The following TNFRSF21 variants were observed in gnomAD, a reference collection of about 807,000 sequenced individuals.
The protein encoded by TNFRSF21 is tumor necrosis factor receptor superfamily member 21.
Under a neutral mutation model 45.6 loss-of-function variants are expected in TNFRSF21, and 19 were observed. The ratio of observed to expected loss-of-function variants is 0.42; its 90% CI spans 0.29 to 0.61. TNFRSF21 has a LOEUF of 0.61. Ranked by LOEUF, TNFRSF21 falls within the 20% of genes least tolerant of loss-of-function variation. The probability of loss-of-function intolerance (pLI) is 0.23; values close to 1 mark genes in which losing one functional copy is unlikely to be tolerated. For missense variants in TNFRSF21, 737 were observed against 851.5 expected (o/e 0.87, Z 1.67); for synonymous variants, 314 against 335.5 (o/e 0.94, Z 0.70).
chr6:47,292,278 T>G lies in TNFRSF21; in HGVS notation c.97-5683A>C, dbSNP rs375120408. Among the ~76,000 whole-genome samples, 18 of 152,180 alleles carry G rather than the reference T, an allele frequency of 1.2e-4. 1 individual carries two copies. The South Asian group carries it at 2.9e-3, about 25-fold the overall frequency. On this transcript the variant is annotated intron_variant, in intron 1 of 5. Coordinates refer to ENST00000296861, the MANE Select transcript of TNFRSF21 (RefSeq NM_014452.5). ...GACGCCGAGTCCTACCTGGTCAAGA[T>G]CCTTAATTCCTTCACTTGTACAGAG...
At chr6:47,270,575 C>T (rs1204512754) in intron 3 of TNFRSF21, among the ~76,000 whole-genome samples, 1 of 152,150 alleles carries the variant, frequency 6.6e-6, no homozygotes, top group Non-Finnish European at 1.5e-5. Flanking sequence ...AGCAGAAAAG[C>T]TGAAAATTCT....
At position 47,309,833 on chromosome 6, in the gene TNFRSF21, G is replaced by C. The variant is rs6458555; in HGVS notation, c.-322C>G. 2 of 264,174 alleles carry C rather than the reference G, an allele frequency of 7.6e-6. No individual in the cohort carries two copies. The highest frequency in any genetic ancestry group is 1.4e-5 in the Non-Finnish European group (2 of 140,438). The allele number at this position is 264,174 out of a possible 1,614,324, so 16.4% of individuals were successfully genotyped here. ...ACTGGGCGCGAGAGAGCAAAGGAAC[G>C]ACTTCCCATAGCGAAGCTTCCAGCC... On this transcript the variant is annotated 5_prime_UTR_variant, in exon 1 of 6. Transcript: ENST00000296861.
At chr6:47,234,930 A>AT (rs199973375) in intron 4 of TNFRSF21, 32 bp from the exon 5 acceptor site, 54,723 of 1,227,908 alleles carry the variant, frequency 0.045, 1,440 homozygotes, top group Non-Finnish European at 0.051. Context: ...TTTATTATAT[A>AT]TAGAAAAAAA....
intron 1 of TNFRSF21, among the ~76,000 whole-genome samples, chr6:47,295,623 G>C (rs1431814991): frequency 6.6e-6 from 1 of 152,122 alleles, no homozygotes; most frequent in Non-Finnish European, 1.5e-5. Flanking sequence ...ATTTTATTTT[G>C]AGCATCACAT....
At chr6:47,278,700 G>A (rs1762529736) in intron 3 of TNFRSF21, among the ~76,000 whole-genome samples, 1 of 152,222 alleles carries the variant, frequency 6.6e-6, no homozygotes, top group Admixed American at 6.5e-5. Flanking sequence ...GATGGCGAGA[G>A]CTAAAGGAAT....
rs1353345712 is a variant in TNFRSF21 at position 47,234,846 on chromosome 6, C to T, written c.1562G>A (p.Ser521Asn). 4 of 1,510,424 alleles carry T rather than the reference C, an allele frequency of 2.6e-6. No individual in the cohort carries two copies. The highest frequency in any genetic ancestry group is 3.5e-6 in the Non-Finnish European group (4 of 1,133,114). The allele number at this position is 1,510,424 out of a possible 1,614,324, so 93.6% of individuals were successfully genotyped here. ...LPMSPSPLSP[S>N]PIPSPNAKLE... ...TTTCGCGTTGGGGCTGGGGATGGGGCTCGGGCTAAGCGGGCTGGGGCTCAT... is the reference window on the plus strand; with the variant it reads ...TTTCGCGTTGGGGCTGGGGATGGGGTTCGGGCTAAGCGGGCTGGGGCTCAT... Residue 521 changes from serine (S) to asparagine (N), a missense_variant, in exon 5 of 6, where the codon AGC becomes AAC. Coordinates refer to ENST00000296861, the MANE Select transcript of TNFRSF21 (RefSeq NM_014452.5).
chr6:47,288,089 A>G (rs756441284), intron 1 of TNFRSF21, among the ~76,000 whole-genome samples: 4 of 152,262 alleles, frequency 2.6e-5, no homozygotes, highest in Non-Finnish European at 5.9e-5. Context: ...TATGTGCACC[A>G]GAAGGTATGC....
At chr6:47,293,964 A>G (rs1323828765) in intron 1 of TNFRSF21, among the ~76,000 whole-genome samples, 1 of 152,184 alleles carries the variant, frequency 6.6e-6, no homozygotes, top group African/African-American at 2.4e-5. Flanking sequence ...GTGGACAAGG[A>G]TCAGGTCTAT....
chr6:47,280,345 G>A (rs556718257), intron 3 of TNFRSF21, among the ~76,000 whole-genome samples: 1 of 152,288 alleles, frequency 6.6e-6, no homozygotes, highest in South Asian at 2.1e-4. Context: ...AATGCAATCA[G>A]ACCAACAAAG....
At position 47,270,307 on chromosome 6, in the gene TNFRSF21, C is replaced by G. The variant is rs185686352; in HGVS notation, c.1243+13631G>C. ...AGCTTCCAGAGGAAGGATCAAGCAG[C>G]AATATTTGCTGTTCTGCAATATTTG... On this transcript the variant is annotated intron_variant, in intron 3 of 5. Coordinates refer to ENST00000296861, the MANE Select transcript of TNFRSF21 (RefSeq NM_014452.5). 8.7e-3 allele frequency among the ~76,000 whole-genome samples: 1,325 copies of G among 152,292 alleles called. 7 individuals are homozygous for G. Among genetic ancestry groups the G allele is most frequent in the Non-Finnish European group, 0.015 (992 of 68,024 alleles).
intron 4 of TNFRSF21, among the ~76,000 whole-genome samples, chr6:47,238,714 T>C (rs1160413536): frequency 6.6e-6 from 1 of 152,182 alleles, no homozygotes. Flanking sequence ...CAATTTTCCT[T>C]TCCGAGCACC....
chr6:47,275,886 C>T (rs887836285), intron 3 of TNFRSF21, among the ~76,000 whole-genome samples: 17 of 152,230 alleles, frequency 1.1e-4, no homozygotes, highest in South Asian at 8.3e-4. Flanking sequence ...TGACTGGCAG[C>T]GCAGTGTTCT....
At chr6:47,258,321 G>A (rs1765019097) in intron 3 of TNFRSF21, among the ~76,000 whole-genome samples, 1 of 151,274 alleles carries the variant, frequency 6.6e-6, no homozygotes, top group Non-Finnish European at 1.5e-5. Context: ...AGTGAGCCAG[G>A]ATTGTACCAC....
intron 1 of TNFRSF21, among the ~76,000 whole-genome samples, chr6:47,305,915 G>A (rs1762934569): frequency 6.6e-6 from 1 of 152,214 alleles, no homozygotes; most frequent in South Asian, 2.1e-4. Flanking sequence ...CTCTGGGCAA[G>A]CCATTCTAGA....
intron 1 of TNFRSF21, among the ~76,000 whole-genome samples, chr6:47,301,126 C>T (rs1762860179): frequency 6.6e-6 from 1 of 152,214 alleles, no homozygotes; most frequent in South Asian, 2.1e-4. Flanking sequence ...CTCATCTATC[C>T]TTCAGTTGTT....
rs146308165 is a variant in TNFRSF21, at chr6:47,279,586, C to A, written c.1243+4352G>T. Among the ~76,000 whole-genome samples, 296 of 152,298 alleles carry A rather than the reference C, an allele frequency of 1.9e-3. 2 individuals carry two copies. The highest frequency in any genetic ancestry group is 6.6e-3 in the African/African-American group (273 of 41,562). On this transcript the variant is annotated intron_variant, in intron 3 of 5. Transcript: ENST00000296861. ...ACGTAACCTCTCAATTAATGTGAAT[C>A]CACATAAATCCTTAATTTTTAATTA... is the stretch of plus-strand genomic sequence containing the variant.
At chr6:47,281,353 T>C (rs539616110) in intron 3 of TNFRSF21, among the ~76,000 whole-genome samples, 1 of 150,182 alleles carries the variant, frequency 6.7e-6, no homozygotes, top group Admixed American at 6.7e-5. Flanking sequence ...TATTCTATAA[T>C]ACATATTTTA....
At chr6:47,247,113 A>C (rs1192649244) in intron 4 of TNFRSF21, among the ~76,000 whole-genome samples, 1 of 152,262 alleles carries the variant, frequency 6.6e-6, no homozygotes, top group African/African-American at 2.4e-5. Flanking sequence ...CTATGATAAT[A>C]AATAGAACAG....
At chr6:47,253,628 C>G in intron 3 of TNFRSF21, 107 bp from the exon 4 acceptor site, 3 of 1,332,722 alleles carry the variant, frequency 2.3e-6, no homozygotes, top group Non-Finnish European at 2.0e-6. Context: ...GCTTTCCTAT[C>G]GCTGTATGTC....
Sources: gnomAD v4.1 joint callset for allele counts (sites outside exome capture counted in the v4.1 genomes callset) on GRCh38, gnomAD v4.1.1 for gene constraint, MANE v1.5 for transcripts, NCBI Gene and HGNC (gene_info 2026-07-23, HGNC 2026-07-21) for gene names.